Variants in PLCG1 observed in about 807,000 individuals in gnomAD.
The protein encoded by PLCG1 is phospholipase C gamma 1, also known as 1-phosphatidylinositol 4,5-bisphosphate phosphodiesterase gamma-1.
A neutral mutation model predicts 177.8 loss-of-function variants in PLCG1; 71 were observed. The ratio of observed to expected loss-of-function variants is 0.40; its 90% CI spans 0.33 to 0.49. The LOEUF is 0.49. Ranked by LOEUF, PLCG1 falls within the 20% of genes least tolerant of loss-of-function variation. The probability of loss-of-function intolerance (pLI) is 0.72; values close to 1 mark genes in which losing one functional copy is unlikely to be tolerated. For missense variants in PLCG1, 1,281 were observed against 1,709.0 expected (o/e 0.75, Z 4.42); for synonymous variants, 658 against 647.9 (o/e 1.02, Z -0.24).
chr20:41,155,072 G>A (rs2035278086), intron 1 of PLCG1, among the ~76,000 whole-genome samples: 1 of 152,238 alleles, frequency 6.6e-6, no homozygotes, highest in Non-Finnish European at 1.5e-5. Flanking sequence ...GGCTGAGAAG[G>A]GAGGGGAGAA....
Position 41,165,214 on chromosome 20 carries a change from C to T in PLCG1, c.1387-31C>T. 6.2e-7 allele frequency: 1 copy of T among 1,612,750 alleles called. No individual in the cohort carries two copies. The highest frequency in any genetic ancestry group is 1.1e-5 in the South Asian group (1 of 90,854). ...GAGGAGGTGGGGTGAGGACTGGGGT[C>T]TGCATTGCCCTGTTCTGGTTGCCCC... On this transcript the variant is annotated intron_variant, in intron 13 of 31. Coordinates refer to ENST00000685551, the MANE Select transcript of PLCG1 (RefSeq NM_002660.3). The surrounding 1 kb of genome is among the most constrained non-coding windows in gnomAD (Gnocchi z 6.6).
chr20:41,165,983 C>G lies in PLCG1; in HGVS notation c.1799+157C>G. On this transcript the variant is annotated intron_variant, in intron 16 of 31. Coordinates refer to ENST00000685551, the MANE Select transcript of PLCG1 (RefSeq NM_002660.3). The surrounding 1 kb of genome is among the most constrained non-coding windows in gnomAD (Gnocchi z 6.6). ...TCACCTACATACACACACACACTCT[C>G]TGTCTCACCCCCCCCCCATACCCCT... 1.4e-6 allele frequency: 1 copy of G among 706,228 alleles called. No individual in the cohort carries two copies. The highest frequency in any genetic ancestry group is 1.9e-5 in the South Asian group (1 of 53,080). The allele number at this position is 706,228 out of a possible 1,614,324, so 43.7% of individuals were successfully genotyped here. A position where few individuals can be genotyped will look rare whatever the true frequency, so the allele number is the denominator to read the frequency against.
intron 1 of PLCG1, among the ~76,000 whole-genome samples, chr20:41,142,365 C>T (rs1169766180): frequency 1.3e-5 from 2 of 152,364 alleles, no homozygotes; most frequent in East Asian, 1.9e-4. Flanking sequence ...GCAGATTACA[C>T]TCAGTCCTGG....
intron 1 of PLCG1, among the ~76,000 whole-genome samples, chr20:41,140,152 TA>T (rs1276016964): frequency 2.0e-5 from 3 of 152,168 alleles, no homozygotes; most frequent in Admixed American, 6.5e-5. Context: ...TCTCATCAGT[TA>T]GCTGGGATTT....
intron 1 of PLCG1, among the ~76,000 whole-genome samples, chr20:41,139,260 G>T (rs1600624491): frequency 6.6e-6 from 1 of 152,184 alleles, no homozygotes; most frequent in Non-Finnish European, 1.5e-5. Context: ...GAACATTTTA[G>T]TGACTTGAGA....
In PLCG1 at chr20:41,174,002, C is replaced by G. The variant is rs750517696; in HGVS notation, c.3636C>G (p.Phe1212Leu). The G allele has an allele frequency of 6.2e-7, 1 of 1,613,948 alleles. No individual in the cohort carries two copies. The highest frequency in any genetic ancestry group is 8.5e-7 in the Non-Finnish European group (1 of 1,179,876). Reference protein sequence around the residue: ...LASLLIKIDIFPAKQENGDLS... With the variant: ...LASLLIKIDILPAKQENGDLS... ...CCCTGCTGATCAAGATTGACATTTT[C>G]CCTGCCAAGGTATCTGCAGCAGGGG... The change falls in exon 30 of 32, where the codon TTC (phenylalanine) becomes TTG (leucine). Residue 1212 changes from phenylalanine (F) to leucine (L), a missense_variant. Coordinates refer to ENST00000685551, the MANE Select transcript of PLCG1 (RefSeq NM_002660.3). The surrounding 1 kb of genome is among the most constrained non-coding windows in gnomAD (Gnocchi z 5.8).
chr20:41,161,230 C>A (rs1450240675), intron 4 of PLCG1, among the ~76,000 whole-genome samples: 1 of 151,968 alleles, frequency 6.6e-6, no homozygotes, highest in Non-Finnish European at 1.5e-5. Flanking sequence ...TTCTGGCAGC[C>A]CAAGGAAGAA....
At chr20:41,170,512 G>C (rs2146057923) in intron 24 of PLCG1, 1 of 500,436 alleles carries the variant, frequency 2.0e-6, no homozygotes, top group Non-Finnish European at 3.6e-6. Context: ...CTGCTTAGTG[G>C]GCAATTGGAT....
chr20:41,165,625 C>G lies in PLCG1; in HGVS notation c.1612-14C>G, dbSNP rs1454412420. The G allele has an allele frequency of 6.2e-7, 1 of 1,612,150 alleles. No individual in the cohort carries two copies. Among genetic ancestry groups the G allele is most frequent in the Admixed American group, 1.7e-5 (1 of 59,966 alleles). On this transcript the variant is annotated splice_polypyrimidine_tract_variant and intron_variant, in intron 15 of 31. Coordinates refer to ENST00000685551, the MANE Select transcript of PLCG1 (RefSeq NM_002660.3). The surrounding 1 kb of genome is among the most constrained non-coding windows in gnomAD (Gnocchi z 6.6). ...CAGGGTCACAGTATCTTTGCTGTTGCCTTCCCCTGACAGGTCAGCAGCAGC... is the reference window on the plus strand; with the variant it reads ...CAGGGTCACAGTATCTTTGCTGTTGGCTTCCCCTGACAGGTCAGCAGCAGC...
rs143621125 is a variant in PLCG1, at chr20:41,148,764, C to T, written c.218-10842C>T. On this transcript the variant is annotated intron_variant, in intron 1 of 31. Coordinates refer to ENST00000685551, the MANE Select transcript of PLCG1 (RefSeq NM_002660.3). This position sits in a 1 kb window ranked among gnomAD's most constrained non-coding sequence, Gnocchi z 4.3. The stretch of plus-strand genomic sequence containing the variant: ...AATACTGTGAAGCAGGAGTGCACCA[C>T]GAAACCTGGAGTCCTCTCCATCCTC... Among the ~76,000 whole-genome samples the T allele has an allele frequency of 4.6e-5, 7 of 152,304 alleles. No homozygotes were observed. In the East Asian group the frequency reaches 5.8e-4, roughly 13 times the overall value.
rs761603148 is a variant in PLCG1, at chr20:41,169,145, C to G, written c.2550C>G (p.Val850=). ...CATCAAACTACGTGGAAGAGATGGT[C>G]AACCCCGTGGCCCTGGAGCCGGAGA... ...WFPSNYVEEM[V]NPVALEPERE... Residue 850 remains valine, a synonymous_variant, in exon 22 of 32, where the codon GTC becomes GTG. Transcript: ENST00000685551. 4.3e-6 allele frequency: 7 copies of G among 1,613,608 alleles called. No individual in the cohort carries two copies. The South Asian group carries it at 7.7e-5, about 18-fold the overall frequency.
At chr20:41,141,458 C>T (rs534094676) in intron 1 of PLCG1, among the ~76,000 whole-genome samples, 22 of 152,258 alleles carry the variant, frequency 1.4e-4, no homozygotes, top group Non-Finnish European at 2.8e-4. Context: ...GTGGAACCAG[C>T]TGGCTGGGGC....
At position 41,159,815 on chromosome 20, in the gene PLCG1, C is replaced by A; in HGVS notation, c.371-55C>A. 1.2e-6 allele frequency: 2 copies of A among 1,613,022 alleles called. No individual in the cohort carries two copies. The highest frequency in any genetic ancestry group is 1.7e-6 in the Non-Finnish European group (2 of 1,178,994). On this transcript the variant is annotated intron_variant, in intron 2 of 31. Coordinates refer to ENST00000685551, the MANE Select transcript of PLCG1 (RefSeq NM_002660.3). This position sits in a 1 kb window ranked among gnomAD's most constrained non-coding sequence, Gnocchi z 6.0. Reference sequence around the variant, plus strand: ...ATAGTTAGGGGAATGCCTGCTGGCTCCTGCCCAGTGGGAGGTATGTGCCCT... The same window carrying A: ...ATAGTTAGGGGAATGCCTGCTGGCTACTGCCCAGTGGGAGGTATGTGCCCT...
chr20:41,162,238 T>TC (rs1346377684), intron 4 of PLCG1: 1 of 245,248 alleles, frequency 4.1e-6, no homozygotes, highest in Non-Finnish European at 7.6e-6. Context: ...TGTTTTTGTT[T>TC]TTTTTTTTTT....
Position 41,160,383 on chromosome 20 carries a change from A to G in PLCG1, c.512+230A>G, listed in dbSNP as rs1035174546. Among the ~76,000 whole-genome samples the G allele has an allele frequency of 2.0e-5, 3 of 152,222 alleles. No homozygotes were observed. Among genetic ancestry groups the G allele is most frequent in the Non-Finnish European group, 2.9e-5 (2 of 68,044 alleles). ...GCCACATGCTGTGTGCCCTGCCACT[A>G]TGGGCAGAGACTGGATGTGTAGAAC... On this transcript the variant is annotated intron_variant, in intron 4 of 31. Coordinates refer to ENST00000685551, the MANE Select transcript of PLCG1 (RefSeq NM_002660.3). The surrounding 1 kb of genome is among the most constrained non-coding windows in gnomAD (Gnocchi z 5.5).
At position 41,172,539 on chromosome 20, in the gene PLCG1, C is replaced by G. The variant is rs1318054788; in HGVS notation, c.3024C>G (p.Leu1008=). ...KKFLQYNRLQ[L]SRIYPKGQRL... is the part of the protein sequence containing the mutation. ...TCCTTCAGTACAATCGACTGCAGCT[C>G]TCCCGCATCTACCCCAAGGGCCAGC... Residue 1008 remains leucine, a synonymous_variant, in exon 26 of 32, where the codon CTC becomes CTG. Transcript: ENST00000685551. This position sits in a 1 kb window ranked among gnomAD's most constrained non-coding sequence, Gnocchi z 7.0. 6.2e-7 allele frequency: 1 copy of G among 1,614,064 alleles called. No homozygotes were observed. Among genetic ancestry groups the G allele is most frequent in the Non-Finnish European group, 8.5e-7 (1 of 1,180,002 alleles).
chr20:41,138,014 T>G, intron 1 of PLCG1, 156 bp downstream of exon 1: 2 of 456,850 alleles, frequency 4.4e-6, no homozygotes, highest in Non-Finnish European at 7.1e-6. Context: ...TCGTCTCGGG[T>G]GGTCACTGGG....
intron 1 of PLCG1, among the ~76,000 whole-genome samples, chr20:41,149,596 ATC>A (rs2035102484): frequency 6.6e-6 from 1 of 152,196 alleles, no homozygotes; most frequent in African/African-American, 2.4e-5. Context: ...GAATTGAAGG[ATC>A]TGAAGCTTAA....
chr20:41,163,221 G>T lies in PLCG1; in HGVS notation c.735G>T (p.Glu245Asp). 1 of 1,547,078 alleles carries T rather than the reference G, an allele frequency of 6.5e-7. No individual in the cohort carries two copies. Reference sequence around the variant, plus strand: ...CCTGCAGGGCTGGGGAGCGGCCGGAGCTTTGCCGAGTGTCCCTTCCTGAGT... The same window carrying T: ...CCTGCAGGGCTGGGGAGCGGCCGGATCTTTGCCGAGTGTCCCTTCCTGAGT... Reference protein sequence around the residue: ...ASTLRAGERPELCRVSLPEFQ... With the variant: ...ASTLRAGERPDLCRVSLPEFQ... The change falls in exon 8 of 32, where the codon GAG (glutamate) becomes GAT (aspartate). Residue 245 changes from glutamate to aspartate, a missense_variant. By Grantham distance (45) the Glu-to-Asp change is conservative. Around this residue, in one of 4 missense-constraint regions of PLCG1, gnomAD observed 374 missense variants for 443.8 expected, o/e 0.84. Transcript: ENST00000685551. This position sits in a 1 kb window ranked among gnomAD's most constrained non-coding sequence, Gnocchi z 5.2.
Sources: gnomAD v4.1 joint callset for allele counts (sites outside exome capture counted in the v4.1 genomes callset) on GRCh38, gnomAD v4.1.1 for gene constraint, gnomAD v4.1.1 regional missense constraint, Gnocchi (gnomAD v3.1) non-coding constraint, MANE v1.5 for transcripts, NCBI Gene and HGNC (gene_info 2026-07-23, HGNC 2026-07-21) for gene names.